The following HDGF variants were observed in gnomAD, a reference collection of about 807,000 sequenced individuals.
HDGF encodes hepatoma-derived growth factor.
In HDGF, 5 loss-of-function variants were observed where a neutral mutation model predicts 30.0. The ratio of observed to expected loss-of-function variants is 0.17; its 90% CI spans 0.09 to 0.35. The LOEUF (loss-of-function observed/expected upper bound fraction) is 0.35. Among genes scored for constraint, HDGF ranks in the 10% least tolerant of loss-of-function variants. The pLI is 1.00. For missense variants in HDGF, 214 were observed against 302.8 expected (o/e 0.71, Z 2.18); for synonymous variants, 133 against 112.7 (o/e 1.18, Z -1.14).
chr1:156,744,086 A>C, intron 4 of HDGF, 77 bp downstream of exon 4: 2 of 1,491,300 alleles, frequency 1.3e-6, no homozygotes, highest in Non-Finnish European at 1.9e-6. Flanking sequence ...GGCACCCCTG[A>C]GGCAAAGCCC....
At position 156,743,048 on chromosome 1, in the gene HDGF, A is replaced by G. The variant is rs561181123; in HGVS notation, c.*401T>C. ...AAGCCCACCCTGCTGTTGATGCTCC[A>G]TCCTTTCCATTCCTACCCCTGATCC... On this transcript the variant is annotated 3_prime_UTR_variant, in exon 6 of 6. Transcript: ENST00000357325. 2 of 172,614 alleles carry G rather than the reference A, an allele frequency of 1.2e-5. No homozygotes were observed. The highest frequency in any genetic ancestry group is 4.7e-5 in the African/African-American group (2 of 42,158). 10.7% of individuals were successfully genotyped at this position (172,614 alleles called of 1,614,324 possible).
rs573268463 is a variant in HDGF, at chr1:156,748,892, G to C, written c.87+2451C>G. On this transcript the variant is annotated intron_variant, in intron 1 of 5. Coordinates refer to ENST00000357325, the MANE Select transcript of HDGF (RefSeq NM_004494.3). ...AAGAGGCAGAAAAGAGAAGGTACAG[G>C]GGGAAGGGGCACCGGGAGGAAAGAC... 5.9e-5 allele frequency among the ~76,000 whole-genome samples: 9 copies of C among 152,344 alleles called. No homozygotes were observed. In the East Asian group the frequency reaches 1.7e-3, roughly 29 times the overall value.
chr1:156,743,611 C>T lies in HDGF; in HGVS notation c.716+41G>A, dbSNP rs143115185. On this transcript the variant is annotated intron_variant, in intron 5 of 5. Transcript: ENST00000357325. ...TCCTCTTCTCCGAGAGTGGCCGGTCCCCCCTAGTCCAGCTGCCAAGGGGTC... is the reference window on the plus strand; with the variant it reads ...TCCTCTTCTCCGAGAGTGGCCGGTCTCCCCTAGTCCAGCTGCCAAGGGGTC... 1.5e-4 allele frequency: 241 copies of T among 1,560,122 alleles called. No individual in the cohort carries two copies. The African/African-American group carries it at 2.8e-3, about 18-fold the overall frequency.
At chr1:156,750,815 T>G (rs1277995272) in intron 1 of HDGF, 4 of 152,350 alleles carry the variant, frequency 2.6e-5, no homozygotes, top group Non-Finnish European at 5.9e-5. Context: ...CAAAGTTTCC[T>G]AGAAGCGAAC....
Position 156,744,235 on chromosome 1 carries a change from C to G in HDGF, c.417G>C (p.Leu139=), listed in dbSNP as rs146838771. ...AEGSSDEEGK[L]VIDEPAKEKN... ...TCTCCTTGGCTGGCTCATCAATGAC[C>G]AGCTTCCCTTCCTCGTCGCTGCTGC... is the stretch of plus-strand genomic sequence containing the variant. Residue 139 remains leucine, a synonymous_variant, in exon 4 of 6, where the codon CTG becomes CTC. Transcript: ENST00000357325. 1.6e-4 allele frequency: 262 copies of G among 1,614,032 alleles called. No homozygotes were observed. The highest frequency in any genetic ancestry group is 2.1e-4 in the Non-Finnish European group (244 of 1,180,036).
At chr1:156,755,420 C>A (rs1014136099), upstream of HDGF, 1 of 152,206 alleles carries the variant, frequency 6.6e-6, no homozygotes, top group African/African-American at 2.4e-5. Context: ...TGTCAAGGGA[C>A]TTGGGTTTGA....
intron 1 of HDGF, among the ~76,000 whole-genome samples, chr1:156,762,439 G>C (rs2102741632): frequency 6.6e-6 from 1 of 152,152 alleles, no homozygotes; most frequent in East Asian, 1.9e-4. Context: ...AGAGTGGCCT[G>C]TTTGTTTTAT....
At chr1:156,753,084 T>G (rs1437281553), upstream of HDGF, among the ~76,000 whole-genome samples, 11 of 152,224 alleles carry the variant, frequency 7.2e-5, no homozygotes, top group Admixed American at 7.2e-4. Context: ...AACAGAGGCA[T>G]AGAATGGCTG....
chr1:156,751,692 T>A, upstream of HDGF: 1 of 1,162,852 alleles, frequency 8.6e-7, no homozygotes, highest in Non-Finnish European at 1.1e-6. The surrounding 1 kb of genome is among the most constrained non-coding windows in gnomAD (Gnocchi z 4.7). Context: ...AATTGCTCCC[T>A]CCTCTGCGCG....
Position 156,744,331 on chromosome 1 carries a change from G to A in HDGF, c.321C>T (p.Ser107=). Residue 107 remains serine, a synonymous_variant, in exon 4 of 6, where the codon AGC becomes AGT. Transcript: ENST00000357325. ...GCTCTGGTTCAGGCTCTTCCACACA[G>A]CTCTTTTTCTGGGAGGACTGCAGCA... ...ASGYQSSQKK[S]CVEEPEPEPE... is the part of the protein sequence containing the mutation. The A allele has an allele frequency of 6.2e-7, 1 of 1,614,048 alleles. No individual in the cohort carries two copies. Among genetic ancestry groups the A allele is most frequent in the Non-Finnish European group, 8.5e-7 (1 of 1,180,020 alleles).
At chr1:156,756,240 A>T (rs1651153087), upstream of HDGF, among the ~76,000 whole-genome samples, 1 of 152,218 alleles carries the variant, frequency 6.6e-6, no homozygotes, top group Non-Finnish European at 1.5e-5. Context: ...CGACAGAGTG[A>T]GACTAGGTCT....
chr1:156,746,355 G>A (rs1246765447), intron 1 of HDGF, among the ~76,000 whole-genome samples: 4 of 152,210 alleles, frequency 2.6e-5, no homozygotes, highest in Non-Finnish European at 4.4e-5. Flanking sequence ...CAGCTAAAAG[G>A]AAGCTGCTCT....
chr1:156,744,274 C>T lies in HDGF; in HGVS notation c.378G>A (p.Lys126=). The stretch of plus-strand genomic sequence containing the variant: ...CGTCGCTGCTGCCCTCTGCATTCCC[C>T]TTCTTATCACCGTCACCCTCTGCAG... The part of the protein sequence containing the change: ...PEAAEGDGDK[K]GNAEGSSDEE... The change falls in exon 4 of 6, where the codon AAG becomes AAA. Residue 126 remains lysine (K), a synonymous_variant. Coordinates refer to ENST00000357325, the MANE Select transcript of HDGF (RefSeq NM_004494.3). 6.2e-7 allele frequency: 1 copy of T among 1,614,160 alleles called. No homozygotes were observed. Among genetic ancestry groups the T allele is most frequent in the Non-Finnish European group, 8.5e-7 (1 of 1,180,030 alleles).
chr1:156,765,411 TTCTTTCTTTCTTTC>T (rs898723180), intron 1 of HDGF, among the ~76,000 whole-genome samples: 2 of 142,814 alleles, frequency 1.4e-5, no homozygotes, highest in Non-Finnish European at 3.2e-5. Flanking sequence ...CCATTTTTCT[TTCTTTCTTTCTTTC>T]TCTTTCTTTC....
exon 2 of HDGF, chr1:156,759,111 G>A (rs767620985): frequency 6.6e-6 from 1 of 152,144 alleles, no homozygotes; most frequent in Non-Finnish European, 1.5e-5. Flanking sequence ...TTCAACCTTA[G>A]TAGGGCAGGA....
At position 156,743,749 on chromosome 1, in the gene HDGF, C is replaced by G. The variant is rs1172088312; in HGVS notation, c.619G>C (p.Gly207Arg). 2 of 1,599,784 alleles carry G rather than the reference C, an allele frequency of 1.3e-6. No individual in the cohort carries two copies. The highest frequency in any genetic ancestry group is 2.7e-5 in the African/African-American group (2 of 74,240). ...KNSTPSEPGS[G>R]RGPPQEEEEE... ...TCTTCCTCTTGGGGAGGCCCCCGGC[C>G]AGAGCCGGGCTCAGAGGGGGTGCTA... Residue 207 changes from glycine (G) to arginine (R), a missense_variant, in exon 5 of 6, where the codon GGC (glycine) becomes CGC (arginine). Around this residue, in one of 2 missense-constraint regions of HDGF, gnomAD observed 176 missense variants for 211.7 expected, o/e 0.83. Coordinates refer to ENST00000357325, the MANE Select transcript of HDGF (RefSeq NM_004494.3).
upstream of HDGF, among the ~76,000 whole-genome samples, chr1:156,754,966 A>G (rs1419425797): frequency 6.6e-6 from 1 of 152,076 alleles, no homozygotes; most frequent in Non-Finnish European, 1.5e-5. Context: ...AAACAAAACA[A>G]AAAGTAGATT....
At chr1:156,766,938 T>G (rs1651399495), upstream of HDGF, 1 of 152,254 alleles carries the variant, frequency 6.6e-6, no homozygotes, top group Non-Finnish European at 1.5e-5. Context: ...TACGTCACAT[T>G]TATTTCAACT....
intron 1 of HDGF, among the ~76,000 whole-genome samples, chr1:156,763,922 G>C (rs1651302824): frequency 6.6e-6 from 1 of 151,752 alleles, no homozygotes; most frequent in African/African-American, 2.4e-5. Context: ...TACTGAGACA[G>C]GGTCATGCTC....
Sources: gnomAD v4.1 joint callset for allele counts (sites outside exome capture counted in the v4.1 genomes callset) on GRCh38, gnomAD v4.1.1 for gene constraint, gnomAD v4.1.1 regional missense constraint, Gnocchi (gnomAD v3.1) non-coding constraint, MANE v1.5 for transcripts, NCBI Gene and HGNC (gene_info 2026-07-23, HGNC 2026-07-21) for gene names.